Variants in NSUN5 observed in about 807,000 individuals in gnomAD.
NSUN5 encodes the protein 28S rRNA (cytosine-C(5))-methyltransferase.
In NSUN5, 39 loss-of-function variants were observed where a neutral mutation model predicts 51.1. The observed-to-expected ratio is 0.76, with a 90% CI of 0.59 to 1.00. The LOEUF (loss-of-function observed/expected upper bound fraction) is 1.00. Ranked by LOEUF, NSUN5 falls within the 50% of genes least tolerant of loss-of-function variation. The pLI, the probability that NSUN5 is intolerant of heterozygous loss-of-function variation, is 0.00. For synonymous variants in NSUN5, 266 were observed against 271.5 expected, an observed-to-expected ratio of 0.98 and a Z score of 0.20; for missense variants, 526 against 614.0, an observed-to-expected ratio of 0.86 and a Z score of 1.51.
intron 4 of NSUN5, among the ~76,000 whole-genome samples, chr7:73,306,476 G>A (rs1463295797): frequency 6.8e-6 from 1 of 147,284 alleles, no homozygotes; most frequent in Non-Finnish European, 1.5e-5. Flanking sequence ...CAACCTCAAG[G>A]AAAATGCAGT....
At position 73,303,121 on chromosome 7, in the gene NSUN5, A is replaced by T. The variant is rs1262546331; in HGVS notation, c.*294T>A. 11 of 1,431,570 alleles carry T rather than the reference A, an allele frequency of 7.7e-6. No homozygotes were observed. The highest frequency in any genetic ancestry group is 4.3e-5 in the African/African-American group (3 of 69,572). 88.7% of individuals were successfully genotyped at this position (1,431,570 alleles called of 1,614,324 possible). On this transcript the variant is annotated 3_prime_UTR_variant, in exon 10 of 10. Coordinates refer to ENST00000438747, the MANE Select transcript of NSUN5 (RefSeq NM_148956.4). ...CGGCAGCGGGAGGCTGGGACTTTCC[A>T]TTACAAATAGAGACTTCATTCCTGT... is the stretch of plus-strand genomic sequence containing the variant.
intron 2 of NSUN5, 68 bp downstream of exon 2, chr7:73,308,363 A>C: frequency 3.3e-6 from 5 of 1,519,200 alleles, no homozygotes; most frequent in Non-Finnish European, 4.4e-6. Flanking sequence ...GCACGGCAGC[A>C]GAGCTGAGAC....
intron 4 of NSUN5, among the ~76,000 whole-genome samples, chr7:73,306,658 T>C (rs1804052898): frequency 6.6e-6 from 1 of 152,064 alleles, no homozygotes; most frequent in Non-Finnish European, 1.5e-5. Context: ...GGCGGGCAGA[T>C]CACCTGAGTT....
At chr7:73,308,156 C>T (rs564794389) in intron 2 of NSUN5, 22 of 481,138 alleles carry the variant, frequency 4.6e-5, no homozygotes, top group Admixed American at 1.5e-4. Context: ...CCCTCAGCCT[C>T]CCGAGTAGCT....
chr7:73,308,008 C>G, intron 2 of NSUN5: 1 of 516,156 alleles, frequency 1.9e-6, no homozygotes, highest in South Asian at 2.9e-5. Context: ...CTGCACCCAA[C>G]TTCTTGCCAA....
chr7:73,304,823 C>T lies in NSUN5; in HGVS notation c.679G>A (p.Gly227Ser). 1 of 1,613,952 alleles carries T rather than the reference C, an allele frequency of 6.2e-7. No individual in the cohort carries two copies. Among genetic ancestry groups the T allele is most frequent in the Non-Finnish European group, 8.5e-7 (1 of 1,179,864 alleles). ...LPAMLLDPPP[G>S]SHVIDACAAP... is the part of the protein sequence containing the mutation. ...GCACAGGCATCGATGACATGGGAGC[C>T]TGGCGGGGGGTCCAGCAGCATGGCT... The change falls in exon 6 of 10, where the codon GGC becomes AGC. Residue 227 changes from glycine to serine, a missense_variant. Coordinates refer to ENST00000438747, the MANE Select transcript of NSUN5 (RefSeq NM_148956.4).
intron 4 of NSUN5, among the ~76,000 whole-genome samples, chr7:73,306,269 A>G (rs1195692012): frequency 6.6e-6 from 1 of 151,344 alleles, no homozygotes; most frequent in East Asian, 1.9e-4. Context: ...CTGTAATCCC[A>G]GCTACTCAGG....
rs368513487 is a variant in NSUN5, at chr7:73,307,564, C to A, written c.391+19G>T. 1.2e-6 allele frequency: 2 copies of A among 1,606,322 alleles called. No homozygotes were observed. The highest frequency in any genetic ancestry group is 4.5e-5 in the East Asian group (2 of 44,662). ...CAAAGTTCCCCGCCTCCCCCACCCC[C>A]CAACTCCTTCCAGCTTACCTGGACC... is the stretch of plus-strand genomic sequence containing the variant. On this transcript the variant is annotated intron_variant, in intron 3 of 9. Coordinates refer to ENST00000438747, the MANE Select transcript of NSUN5 (RefSeq NM_148956.4).
rs368919057 is a variant in NSUN5, at chr7:73,303,802, A to G, written c.1145+24T>C. ...CAGCTCACCCCGTCCCCCACTCCCC[A>G]CGACCCTGGCGCCCGCCCTGTACCT... On this transcript the variant is annotated intron_variant, in intron 8 of 9. Coordinates refer to ENST00000438747, the MANE Select transcript of NSUN5 (RefSeq NM_148956.4). 5.0e-6 allele frequency: 8 copies of G among 1,613,584 alleles called. No homozygotes were observed. In the African/African-American group the frequency reaches 1.1e-4, roughly 22 times the overall value.
In NSUN5 at chr7:73,304,212, G is replaced by A. The variant is rs369026506; in HGVS notation, c.934+18C>T. 35 of 1,593,122 alleles carry A rather than the reference G, an allele frequency of 2.2e-5. No homozygotes were observed. The highest frequency in any genetic ancestry group is 1.3e-4 in the African/African-American group (10 of 74,320). On this transcript the variant is annotated intron_variant, in intron 7 of 9. Coordinates refer to ENST00000438747, the MANE Select transcript of NSUN5 (RefSeq NM_148956.4). Reference sequence around the variant, plus strand: ...GTGGATCTGCGAGTCCCTCGGCCACGCTTTCTCGCCATCTCACCCGAGCCA... The same window carrying A: ...GTGGATCTGCGAGTCCCTCGGCCACACTTTCTCGCCATCTCACCCGAGCCA...
rs1804137380 is a variant in NSUN5 at position 73,308,456 on chromosome 7, T to G, written c.191A>C (p.Lys64Thr). The stretch of plus-strand genomic sequence containing the variant: ...CTTGGCCAGGTGCGGCCGCAGCTTC[T>G]TCTCCGCACGGAGGAGGCCGGCGCT... Reference protein sequence around the residue: ...IASAGLLRAEKKLRPHLAKVL... With the variant: ...IASAGLLRAETKLRPHLAKVL... The change falls in exon 2 of 10, where the codon AAG becomes ACG. Residue 64 changes from lysine (K) to threonine (T), a missense_variant. Physicochemically the swap from Lys to Thr is moderately conservative, Grantham distance 78 (BLOSUM62 -1). Transcript: ENST00000438747. 1 of 1,604,932 alleles carries G rather than the reference T, an allele frequency of 6.2e-7. No homozygotes were observed. Among genetic ancestry groups the G allele is most frequent in the Admixed American group, 1.7e-5 (1 of 59,854 alleles).
Position 73,307,425 on chromosome 7 carries a change from G to C in NSUN5, c.469C>G (p.Gln157Glu), listed in dbSNP as rs782469052. 5 of 1,614,128 alleles carry C rather than the reference G, an allele frequency of 3.1e-6. No individual in the cohort carries two copies. In the East Asian group the frequency reaches 1.1e-4, roughly 36 times the overall value. The stretch of plus-strand genomic sequence containing the variant: ...GCCCGACCCTGATAGGAGAAACCTT[G>C]TCTCTTGAAATAATCAACTACATCA... ...SDDVVDYFKR[Q>E]GFSYQGRASS... Residue 157 changes from glutamine (Q) to glutamate (E), a missense_variant, in exon 4 of 10, where the codon CAA becomes GAA. By Grantham distance (29) the Gln-to-Glu change is conservative. Coordinates refer to ENST00000438747, the MANE Select transcript of NSUN5 (RefSeq NM_148956.4).
In NSUN5 at chr7:73,304,871, C is replaced by G. The variant is rs1803971647; in HGVS notation, c.640-9G>C. 6.2e-7 allele frequency: 1 copy of G among 1,613,880 alleles called. No homozygotes were observed. Among genetic ancestry groups the G allele is most frequent in the Non-Finnish European group, 8.5e-7 (1 of 1,179,822 alleles). On this transcript the variant is annotated splice_polypyrimidine_tract_variant and intron_variant, in intron 5 of 9. Transcript: ENST00000438747. ...GCTGGGAGACAGCTGGCCTGGCAGGCAGAGCACAGGAGCCAGGTAAACAGA... is the reference window on the plus strand; with the variant it reads ...GCTGGGAGACAGCTGGCCTGGCAGGGAGAGCACAGGAGCCAGGTAAACAGA...
At position 73,304,351 on chromosome 7, in the gene NSUN5, C is replaced by A; in HGVS notation, c.813G>T (p.Leu271=). Reference sequence around the variant, plus strand: ...CACAGCAAGAGACGCCAGCCCGGGCCAGCAGCGTGGCCATGGATGCCAGCC... The same window carrying A: ...CACAGCAAGAGACGCCAGCCCGGGCAAGCAGCGTGGCCATGGATGCCAGCC... ...AKRLASMATL[L]ARAGVSCCEL... is the part of the protein sequence containing the mutation. Residue 271 remains leucine (L), a synonymous_variant, in exon 7 of 10, where the codon CTG becomes CTT. Transcript: ENST00000438747. 1 of 1,614,042 alleles carries A rather than the reference C, an allele frequency of 6.2e-7. No homozygotes were observed. The highest frequency in any genetic ancestry group is 1.7e-5 in the Admixed American group (1 of 59,992).
rs377762217 is a variant in NSUN5, at chr7:73,304,110, G to A, written c.935-74C>T. On this transcript the variant is annotated intron_variant, in intron 7 of 9. Transcript: ENST00000438747. ...CCTGAAATCCTCGCTTCACAGAGGAGAACTTTTGTCCCAGGGTCCCAAGCC... is the reference window on the plus strand; with the variant it reads ...CCTGAAATCCTCGCTTCACAGAGGAAAACTTTTGTCCCAGGGTCCCAAGCC... 4.1e-5 allele frequency: 64 copies of A among 1,574,208 alleles called. No homozygotes were observed. The African/African-American group carries it at 5.3e-4, about 13-fold the overall frequency.
intron 2 of NSUN5, chr7:73,307,983 C>T: frequency 1.8e-6 from 1 of 557,288 alleles, no homozygotes; most frequent in Non-Finnish European, 3.2e-6. Context: ...CACCGATGTT[C>T]ACCAGTAGAC....
At position 73,304,811 on chromosome 7, in the gene NSUN5, T is replaced by C. The variant is rs782192539; in HGVS notation, c.691A>G (p.Ile231Val). The C allele has an allele frequency of 5.6e-6, 9 of 1,613,878 alleles. No individual in the cohort carries two copies. Among genetic ancestry groups the C allele is most frequent in the Non-Finnish European group, 6.8e-6 (8 of 1,179,842 alleles). The change falls in exon 6 of 10, where the codon ATC becomes GTC. Residue 231 changes from isoleucine to valine, a missense_variant. Transcript: ENST00000438747. ...LLDPPPGSHV[I>V]DACAAPGNKT... is the part of the protein sequence containing the mutation. ...TTGCCTGGGGCGGCACAGGCATCGATGACATGGGAGCCTGGCGGGGGGTCC... is the reference window on the plus strand; with the variant it reads ...TTGCCTGGGGCGGCACAGGCATCGACGACATGGGAGCCTGGCGGGGGGTCC...
chr7:73,304,962 G>A lies in NSUN5; in HGVS notation c.636C>T (p.Asp212=). The A allele has an allele frequency of 6.2e-7, 1 of 1,611,730 alleles. No individual in the cohort carries two copies. The highest frequency in any genetic ancestry group is 1.1e-5 in the South Asian group (1 of 91,024). Residue 212 remains aspartate (D), a synonymous_variant, in exon 5 of 10, where the codon GAC becomes GAT. Coordinates refer to ENST00000438747, the MANE Select transcript of NSUN5 (RefSeq NM_148956.4). The stretch of plus-strand genomic sequence containing the variant: ...CTTTTCTATTCCTCTTGCCTACCCT[G>A]TCCTGCAGAATGAGGTGTCCGGCCC... The part of the protein sequence containing the change: ...LYRAGHLILQ[D]RASCLPAMLL...
In NSUN5 at chr7:73,303,726, A is replaced by C. The variant is rs1195205356; in HGVS notation, c.1160T>G (p.Leu387Arg). ...CAGGCCTCGGTGGGGCCAGGCAGGC[A>C]GGGCGGGAGCTAGCCTGCAAGAGAA... The part of the protein sequence containing the change: ...NPGAFRLAPA[L>R]PAWPHRGLST... The change falls in exon 9 of 10, where the codon CTG becomes CGG. Residue 387 changes from leucine to arginine, a missense_variant. Transcript: ENST00000438747. 3.1e-6 allele frequency: 5 copies of C among 1,613,892 alleles called. No individual in the cohort carries two copies. The highest frequency in any genetic ancestry group is 4.2e-6 in the Non-Finnish European group (5 of 1,179,962).
Sources: gnomAD v4.1 joint callset for allele counts (sites outside exome capture counted in the v4.1 genomes callset) on GRCh38, gnomAD v4.1.1 for gene constraint, MANE v1.5 for transcripts, NCBI Gene and HGNC (gene_info 2026-07-23, HGNC 2026-07-21) for gene names.